Variants in BMP3 observed in about 807,000 individuals in gnomAD.
BMP3 encodes bone morphogenetic protein 3, also known as bone morphogenetic protein 3 (osteogenic).
BMP3 carries 23 observed loss-of-function variants against 38.1 expected under a neutral mutation model. The observed-to-expected ratio is 0.60, with a 90% confidence interval of 0.43 to 0.86. The LOEUF (loss-of-function observed/expected upper bound fraction) is 0.86, where lower values mean the gene tolerates loss of function less well. Among genes scored for constraint, BMP3 ranks in the 40% least tolerant of loss-of-function variants. The pLI, the probability that BMP3 is intolerant of heterozygous loss-of-function variation, is 0.00. For missense variants in BMP3, 628 were observed against 579.6 expected, an observed-to-expected ratio of 1.08 and a Z score of -0.86; for synonymous variants, 258 against 225.7, an observed-to-expected ratio of 1.14 and a Z score of -1.28.
At chr4:81,036,263 A>G (rs774606782) in intron 1 of BMP3, among the ~76,000 whole-genome samples, 2 of 152,014 alleles carry the variant, frequency 1.3e-5, no homozygotes, top group African/African-American at 2.4e-5. Context: ...TATCACCATT[A>G]CTACCTTGAT....
chr4:81,033,492 A>T (rs1176997390), intron 1 of BMP3, among the ~76,000 whole-genome samples: 1 of 152,188 alleles, frequency 6.6e-6, no homozygotes, highest in African/African-American at 2.4e-5. Flanking sequence ...ATGCATATAT[A>T]CAAGGCTGTG....
chr4:81,046,419 A>G lies in BMP3; in HGVS notation c.998A>G (p.Lys333Arg). ...TLQAQAPEKSKNKKKQRKGPH... is the reference protein window; with the variant it reads ...TLQAQAPEKSRNKKKQRKGPH... ...CAGGCTCAGGCCCCTGAAAAGAGTA[A>G]GAATAAAAAGAAACAGAGAAAGGGG... The change falls in exon 2 of 3, where the codon AAG (lysine) becomes AGG (arginine). Residue 333 changes from lysine to arginine, a missense_variant. By Grantham distance (26) the Lys-to-Arg change is conservative. Transcript: ENST00000282701. 2 of 1,613,738 alleles carry G rather than the reference A, an allele frequency of 1.2e-6. No homozygotes were observed. The highest frequency in any genetic ancestry group is 1.7e-6 in the Non-Finnish European group (2 of 1,179,940).
chr4:81,047,208 T>C (rs2903745), intron 2 of BMP3, among the ~76,000 whole-genome samples: 139,521 of 152,258 alleles, frequency 0.92, 65,080 homozygotes, highest in East Asian at 1. Context: ...ATTTGCTTCA[T>C]TGCTAAACAT....
chr4:81,041,220 A>G (rs1740066701), intron 1 of BMP3, among the ~76,000 whole-genome samples: 1 of 152,114 alleles, frequency 6.6e-6, no homozygotes, highest in Admixed American at 6.6e-5. Context: ...CCTCACTCTT[A>G]TTTACTTCTC....
chr4:81,031,586 G>C lies in BMP3; in HGVS notation c.302G>C (p.Arg101Pro). 6.2e-7 allele frequency: 1 copy of C among 1,600,034 alleles called. No individual in the cohort carries two copies. The highest frequency in any genetic ancestry group is 2.3e-5 in the East Asian group (1 of 44,440). ...LREGNTVRSF[R>P]AAAAETLERK... ...GAAGGCAACACGGTTCGCAGCTTTC[G>C]GGCGGCAGCAGCAGGTGAGTGCGCG... is the stretch of plus-strand genomic sequence containing the variant. The change falls in exon 1 of 3, where the codon CGG becomes CCG. Residue 101 changes from arginine to proline, a missense_variant. By Grantham distance (103) the Arg-to-Pro change is moderately radical. Transcript: ENST00000282701.
At chr4:81,036,821 G>A (rs1035086265) in intron 1 of BMP3, among the ~76,000 whole-genome samples, 1 of 151,918 alleles carries the variant, frequency 6.6e-6, no homozygotes, top group African/African-American at 2.4e-5. Flanking sequence ...TGTTAGCAGT[G>A]GTTGTGTCTT....
At chr4:81,031,710 T>A in intron 1 of BMP3, 110 bp downstream of exon 1, 2 of 1,308,714 alleles carry the variant, frequency 1.5e-6, no homozygotes, top group African/African-American at 3.0e-5. Flanking sequence ...CCTAGGGACC[T>A]TTCTCCGCCC....
chr4:81,035,583 A>G (rs7666031), intron 1 of BMP3, among the ~76,000 whole-genome samples: 6,743 of 152,158 alleles, frequency 0.044, 494 homozygotes, highest in African/African-American at 0.15. Flanking sequence ...AGCATTCAAG[A>G]AAACAAGTCC....
intron 1 of BMP3, among the ~76,000 whole-genome samples, chr4:81,038,500 C>A (rs1739980851): frequency 6.6e-6 from 1 of 152,126 alleles, no homozygotes; most frequent in East Asian, 1.9e-4. Flanking sequence ...AGCTATCAGC[C>A]AGGCAAATAT....
chr4:81,033,959 G>A (rs762022588), intron 1 of BMP3, among the ~76,000 whole-genome samples: 14 of 152,160 alleles, frequency 9.2e-5, no homozygotes, highest in Non-Finnish European at 1.9e-4. Flanking sequence ...TGTGTATGGG[G>A]CAGCTGCTGA....
intron 1 of BMP3, among the ~76,000 whole-genome samples, chr4:81,036,031 C>T (rs1378196205): frequency 1.3e-5 from 2 of 151,820 alleles, no homozygotes; most frequent in Non-Finnish European, 2.9e-5. Context: ...GGCATTGTAC[C>T]ATCTTCCTGC....
chr4:81,040,495 C>T (rs771645709), intron 1 of BMP3, among the ~76,000 whole-genome samples: 1 of 152,192 alleles, frequency 6.6e-6, no homozygotes, highest in Non-Finnish European at 1.5e-5. Context: ...ATTTAACTAT[C>T]ACCGTTAGAC....
chr4:81,033,929 T>G (rs1300364472), intron 1 of BMP3, among the ~76,000 whole-genome samples: 1 of 152,212 alleles, frequency 6.6e-6, no homozygotes, highest in Non-Finnish European at 1.5e-5. Flanking sequence ...GAAATTTTAA[T>G]GGAAGATCAG....
intron 1 of BMP3, among the ~76,000 whole-genome samples, chr4:81,041,084 A>G (rs975345268): frequency 1.3e-5 from 2 of 152,208 alleles, no homozygotes; most frequent in Admixed American, 1.3e-4. Flanking sequence ...AGACAATGCA[A>G]ATCTTCTGTT....
chr4:81,040,556 C>A (rs1488386250), intron 1 of BMP3, among the ~76,000 whole-genome samples: 3 of 152,172 alleles, frequency 2.0e-5, no homozygotes, highest in Non-Finnish European at 2.9e-5. Context: ...TCTCCACAGT[C>A]CCTTAAATAT....
In BMP3 at chr4:81,031,403, G is replaced by T; in HGVS notation, c.119G>T (p.Arg40Leu). 1.9e-6 allele frequency: 3 copies of T among 1,613,710 alleles called. No individual in the cohort carries two copies. ...CTCCGCAAAGCTGTGCCAGGTGACC[G>T]CACGGCAGGTGGTGGCCCGGACTCC... ...PELRKAVPGD[R>L]TAGGGPDSEL... Residue 40 changes from arginine (R) to leucine (L), a missense_variant, in exon 1 of 3, where the codon CGC (arginine) becomes CTC (leucine). Arg to Leu is a moderately radical substitution (Grantham distance 102). Transcript: ENST00000282701.
In BMP3 at chr4:81,047,572, G is replaced by A. The variant is rs148371574; in HGVS notation, c.1227+924G>A. ...ACCAAAAAAAAAAAAAGTTGCTGAA[G>A]GAACAGAATTCAGAGGAAGAATACA... On this transcript the variant is annotated intron_variant, in intron 2 of 2. Coordinates refer to ENST00000282701, the MANE Select transcript of BMP3 (RefSeq NM_001201.5). 6.7e-3 allele frequency among the ~76,000 whole-genome samples: 998 copies of A among 149,218 alleles called. 11 individuals are homozygous for A. The highest frequency in any genetic ancestry group is 0.023 in the African/African-American group (933 of 40,932).
Position 81,031,189 on chromosome 4 carries a change from T to G in BMP3, c.-96T>G. ...TCCGTGCGCCCTCGCCCCAGCTGGT[T>G]TGGAGTTCAACCCTCGGCTCCGCCG... is the stretch of plus-strand genomic sequence containing the variant. On this transcript the variant is annotated 5_prime_UTR_variant, in exon 1 of 3. Coordinates refer to ENST00000282701, the MANE Select transcript of BMP3 (RefSeq NM_001201.5). 7.5e-7 allele frequency: 1 copy of G among 1,330,320 alleles called. No individual in the cohort carries two copies. Among genetic ancestry groups the G allele is most frequent in the Non-Finnish European group, 1.0e-6 (1 of 995,790 alleles). 82.4% of individuals were successfully genotyped at this position (1,330,320 alleles called of 1,614,324 possible).
chr4:81,047,675 A>G (rs1415971840), intron 2 of BMP3, among the ~76,000 whole-genome samples: 1 of 152,198 alleles, frequency 6.6e-6, no homozygotes, highest in Non-Finnish European at 1.5e-5. Context: ...TGTCTCAACA[A>G]ATGACCAACT....
Sources: allele counts gnomAD v4.1 joint callset (sites outside exome capture counted in the v4.1 genomes callset), GRCh38; gene constraint gnomAD v4.1.1; transcripts MANE v1.5; gene names NCBI Gene and HGNC (gene_info 2026-07-23, HGNC 2026-07-21).